DPF3: variants seen among roughly 807,000 people sequenced by gnomAD.
DPF3 encodes zinc finger protein DPF3.
In DPF3, 18 loss-of-function variants were observed where a neutral mutation model predicts 56.8. The observed-to-expected ratio is 0.32, with a 90% CI of 0.22 to 0.47. The LOEUF (loss-of-function observed/expected upper bound fraction) is 0.47. Ranked by LOEUF, DPF3 falls within the 20% of genes least tolerant of loss-of-function variation. The pLI, the probability that DPF3 is intolerant of heterozygous loss-of-function variation, is 1.00. For missense variants in DPF3, 403 were observed against 488.8 expected (o/e 0.82, Z 1.65); for synonymous variants, 188 against 180.2 (o/e 1.04, Z -0.35).
At position 72,617,231 on chromosome 14, in the gene DPF3, G is replaced by A. The variant is rs1283755427; in HGVS notation, c.*2066C>T. On this transcript the variant is annotated 3_prime_UTR_variant, in exon 11 of 11. Transcript: ENST00000556509. Reference sequence around the variant, plus strand: ...TTGTAGAGCCACAGTTTGGGGTTTCGGACTTGCTTTTTAAACTTTTAAGCT... The same window carrying A: ...TTGTAGAGCCACAGTTTGGGGTTTCAGACTTGCTTTTTAAACTTTTAAGCT... 2.0e-5 allele frequency among the ~76,000 whole-genome samples: 3 copies of A among 152,228 alleles called. No homozygotes were observed. The highest frequency in any genetic ancestry group is 7.2e-5 in the African/African-American group (3 of 41,444).
intron 1 of DPF3, among the ~76,000 whole-genome samples, chr14:72,845,195 G>T (rs2140074090): frequency 6.6e-6 from 1 of 150,614 alleles, no homozygotes; most frequent in South Asian, 2.1e-4. Flanking sequence ...AAGGGAAAAA[G>T]AACAAAATAC....
At position 72,860,642 on chromosome 14, in the gene DPF3, AC is replaced by A. The variant is rs1376831443; in HGVS notation, c.32+33414del. On this transcript the variant is annotated intron_variant, in intron 1 of 10. Transcript: ENST00000556509. ...TGCAATGGCACAATCTTGGCTCACC[AC>A]AAACCTCCACCTCCTGGTTTCAAGC... is the stretch of plus-strand genomic sequence containing the variant. Among the ~76,000 whole-genome samples, 42 of 52,430 alleles carry A rather than the reference AC, an allele frequency of 8.0e-4. No individual in the cohort carries two copies. The East Asian group carries it at 0.013, about 17-fold the overall frequency. 34.4% of individuals were successfully genotyped at this position (52,430 alleles called of 152,430 possible).
At chr14:72,705,552 A>C (rs1248531777) in intron 6 of DPF3, among the ~76,000 whole-genome samples, 1 of 152,048 alleles carries the variant, frequency 6.6e-6, no homozygotes, top group Non-Finnish European at 1.5e-5. Context: ...GGTGCCAAAA[A>C]ACTTGGGTAC....
chr14:72,669,262 T>C (rs914946901), intron 8 of DPF3, among the ~76,000 whole-genome samples: 26 of 152,302 alleles, frequency 1.7e-4, no homozygotes, highest in Admixed American at 1.2e-3. Context: ...GGCTGGACTG[T>C]CAAAGTAGAT....
At chr14:72,796,147 A>T (rs1892637608) in intron 1 of DPF3, among the ~76,000 whole-genome samples, 1 of 152,208 alleles carries the variant, frequency 6.6e-6, no homozygotes, top group African/African-American at 2.4e-5. Flanking sequence ...CTTGAATTTG[A>T]TCTGCTAATT....
At position 72,768,937 on chromosome 14, in the gene DPF3, G is replaced by GTGTGTC. The variant is rs1279531799; in HGVS notation, c.193+2795_193+2796insGACACA. Among the ~76,000 whole-genome samples, 223 of 29,208 alleles carry GTGTGTC rather than the reference G, an allele frequency of 7.6e-3. 1 individual carries two copies. Among genetic ancestry groups the GTGTGTC allele is most frequent in the African/African-American group, 0.023 (218 of 9,582 alleles). The allele number at this position is 29,208 out of a possible 152,430, so 19.2% of individuals were successfully genotyped here. Reference sequence around the variant, plus strand: ...TCTGATACTGTGTGTGAGTGTCTGTGTGTGTGTGTGTGTGTGTGTGTGTGT... The same window carrying GTGTGTC: ...TCTGATACTGTGTGTGAGTGTCTGTGTGTGTCTGTGTGTGTGTGTGTGTGTGTGTGT... On this transcript the variant is annotated intron_variant, in intron 2 of 10. Transcript: ENST00000556509.
intron 8 of DPF3, among the ~76,000 whole-genome samples, chr14:72,663,157 G>A (rs1208689449): frequency 1.9e-5 from 1 of 51,394 alleles, no homozygotes; most frequent in African/African-American, 9.3e-5. Context: ...AGGCAGAACT[G>A]GGTGTTAGCA....
chr14:72,781,756 G>A (rs185257110), intron 1 of DPF3, among the ~76,000 whole-genome samples: 14 of 152,200 alleles, frequency 9.2e-5, no homozygotes, highest in African/African-American at 2.2e-4. Flanking sequence ...GGAGGAAGAG[G>A]ACCGTAGCTT....
chr14:72,784,380 C>T (rs1892121090), intron 1 of DPF3, among the ~76,000 whole-genome samples: 1 of 152,088 alleles, frequency 6.6e-6, no homozygotes, highest in Non-Finnish European at 1.5e-5. Context: ...CTAAATCTGC[C>T]CTCAACACCT....
chr14:72,709,407 T>C (rs1050837051), intron 6 of DPF3, among the ~76,000 whole-genome samples: 1 of 152,316 alleles, frequency 6.6e-6, no homozygotes, highest in East Asian at 1.9e-4. Context: ...TTAATAGATT[T>C]AAATTTAAAA....
At chr14:72,832,908 C>T (rs1467643440) in intron 1 of DPF3, among the ~76,000 whole-genome samples, 1 of 152,148 alleles carries the variant, frequency 6.6e-6, no homozygotes, top group East Asian at 1.9e-4. Context: ...TCCAAGAAAC[C>T]TCAAGGAATT....
Position 72,733,879 on chromosome 14 carries a change from C to T in DPF3, c.302-1945G>A, listed in dbSNP as rs368844283. Among the ~76,000 whole-genome samples, 10 of 152,306 alleles carry T rather than the reference C, an allele frequency of 6.6e-5. No individual in the cohort carries two copies. In the South Asian group the frequency reaches 1.5e-3, roughly 22 times the overall value. On this transcript the variant is annotated intron_variant, in intron 3 of 10. Transcript: ENST00000556509. ...CATCCATTAAAACTGAACAAATGCACACCTGTGGGTGACCGGCCCCCAGAA... is the reference window on the plus strand; with the variant it reads ...CATCCATTAAAACTGAACAAATGCATACCTGTGGGTGACCGGCCCCCAGAA...
chr14:72,874,062 T>TA (rs1886011186), intron 1 of DPF3, among the ~76,000 whole-genome samples: 1 of 113,082 alleles, frequency 8.8e-6, no homozygotes, highest in Admixed American at 1.0e-4. Context: ...CCCTAAAACT[T>TA]AAAGTATGAT....
At chr14:72,835,879 C>G (rs1884271101) in intron 1 of DPF3, among the ~76,000 whole-genome samples, 1 of 152,158 alleles carries the variant, frequency 6.6e-6, no homozygotes, top group African/African-American at 2.4e-5. Context: ...GGTTTCCAGG[C>G]CCAGGACACC....
intron 1 of DPF3, among the ~76,000 whole-genome samples, chr14:72,782,472 G>A (rs545663032): frequency 1.4e-4 from 21 of 152,304 alleles, no homozygotes; most frequent in East Asian, 1.4e-3. Flanking sequence ...CAGTCAGCCC[G>A]TCTCAGTCTC....
chr14:72,761,398 GAAAT>G (rs1289328674), intron 2 of DPF3, among the ~76,000 whole-genome samples: 1 of 152,098 alleles, frequency 6.6e-6, no homozygotes, highest in East Asian at 1.9e-4. Flanking sequence ...AATTAACATG[GAAAT>G]AAATAATGGG....
At chr14:72,797,825 C>G (rs1892701121) in intron 1 of DPF3, among the ~76,000 whole-genome samples, 1 of 152,168 alleles carries the variant, frequency 6.6e-6, no homozygotes, top group Non-Finnish European at 1.5e-5. Context: ...ACTGGGAGAC[C>G]TTGCTAATTC....
chr14:72,692,407 G>C (rs934948669), intron 7 of DPF3, among the ~76,000 whole-genome samples: 1 of 152,196 alleles, frequency 6.6e-6, no homozygotes, highest in Non-Finnish European at 1.5e-5. Flanking sequence ...AGCCCCTTTG[G>C]ATTCCCTAAT....
At chr14:72,673,513 CA>C (rs1047447951) in intron 8 of DPF3, among the ~76,000 whole-genome samples, 1 of 152,154 alleles carries the variant, frequency 6.6e-6, no homozygotes, top group African/African-American at 2.4e-5. Context: ...AACTAAAAAA[CA>C]AAACAACCAT....
Sources: gnomAD v4.1 joint callset for allele counts (sites outside exome capture counted in the v4.1 genomes callset) on GRCh38, gnomAD v4.1.1 for gene constraint, MANE v1.5 for transcripts, NCBI Gene and HGNC (gene_info 2026-07-23, HGNC 2026-07-21) for gene names.